Variants in PTPRM observed in about 807,000 individuals in gnomAD.
PTPRM encodes the protein receptor-type tyrosine-protein phosphatase mu.
In PTPRM, 47 loss-of-function variants were observed where a neutral mutation model predicts 186.7. The ratio of observed to expected loss-of-function variants is 0.25; its 90% CI spans 0.20 to 0.32. The LOEUF (loss-of-function observed/expected upper bound fraction) is 0.32. Ranked by LOEUF, PTPRM falls within the 10% of genes least tolerant of loss-of-function variation. The pLI is 1.00. For synonymous variants in PTPRM, 668 were observed against 674.9 expected, an observed-to-expected ratio of 0.99 and a Z score of 0.16; for missense variants, 1,494 against 1,865.0, an observed-to-expected ratio of 0.80 and a Z score of 3.66.
intron 7 of PTPRM, among the ~76,000 whole-genome samples, chr18:7,980,388 T>A (rs76300508): frequency 0.052 from 7,898 of 151,808 alleles, 479 homozygotes; most frequent in African/African-American, 0.15. Flanking sequence ...TCTTTTTTTT[T>A]ATTTTTAGTA....
intron 1 of PTPRM, among the ~76,000 whole-genome samples, chr18:7,746,834 T>C (rs1598485595): frequency 1.3e-5 from 2 of 152,136 alleles, no homozygotes; most frequent in African/African-American, 2.4e-5. Flanking sequence ...AGCCACGTGG[T>C]GGCTGGATGG....
intron 19 of PTPRM, among the ~76,000 whole-genome samples, chr18:8,279,940 A>G (rs2094882434): frequency 2.0e-5 from 3 of 152,192 alleles, no homozygotes; most frequent in Admixed American, 2.0e-4. Flanking sequence ...CACAACAGAC[A>G]CTTGGAAAGA....
chr18:8,387,307 G>C (rs1284568172), intron 31 of PTPRM, 72 bp downstream of exon 31: 1 of 1,442,074 alleles, frequency 6.9e-7, no homozygotes. Flanking sequence ...CTAGTTCTCT[G>C]ACTTTTGTTT....
intron 2 of PTPRM, among the ~76,000 whole-genome samples, chr18:7,877,066 TATTA>T (rs2048280832): frequency 6.6e-6 from 1 of 152,208 alleles, no homozygotes; most frequent in South Asian, 2.1e-4. Flanking sequence ...TCAATTCCCA[TATTA>T]ATTGTTAATA....
chr18:8,101,004 G>A (rs80185716), intron 11 of PTPRM, among the ~76,000 whole-genome samples: 25,861 of 152,110 alleles, frequency 0.17, 2,281 homozygotes, highest in Non-Finnish European at 0.19. Flanking sequence ...TGTGTGTTTG[G>A]TATTAATATT....
chr18:7,904,836 C>T (rs140617346), intron 3 of PTPRM, among the ~76,000 whole-genome samples: 22 of 152,222 alleles, frequency 1.4e-4, no homozygotes, highest in African/African-American at 4.6e-4. Context: ...CATGGTTCCC[C>T]GGTGAGATAG....
At chr18:8,066,482 A>G (rs1315353174) in intron 7 of PTPRM, among the ~76,000 whole-genome samples, 1 of 152,118 alleles carries the variant, frequency 6.6e-6, no homozygotes, top group Non-Finnish European at 1.5e-5. Flanking sequence ...CTTTTGACAA[A>G]TGAGAATCAG....
intron 11 of PTPRM, among the ~76,000 whole-genome samples, chr18:8,091,729 A>G (rs1271651717): frequency 6.6e-6 from 1 of 152,108 alleles, no homozygotes; most frequent in African/African-American, 2.4e-5. Context: ...AAAAATGTGT[A>G]TAGTACCCTC....
chr18:7,605,425 C>CA (rs1378690464), intron 1 of PTPRM, among the ~76,000 whole-genome samples: 1 of 151,572 alleles, frequency 6.6e-6, no homozygotes, highest in East Asian at 1.9e-4. Flanking sequence ...AATGTCCCCC[C>CA]CCCACTTCCG....
intron 4 of PTPRM, among the ~76,000 whole-genome samples, chr18:7,918,082 G>A (rs7242941): frequency 2.0e-4 from 19 of 96,338 alleles, no homozygotes; most frequent in Middle Eastern, 4.4e-3. Context: ...GTGTGTTTGT[G>A]TGTGTGTGTG....
intron 2 of PTPRM, among the ~76,000 whole-genome samples, chr18:7,805,326 T>G (rs2044180213): frequency 6.6e-6 from 1 of 152,196 alleles, no homozygotes; most frequent in South Asian, 2.1e-4. Context: ...CCACAGCTCA[T>G]CATTTCTTCT....
chr18:7,920,289 G>A (rs947770389), intron 4 of PTPRM, among the ~76,000 whole-genome samples: 22 of 151,964 alleles, frequency 1.4e-4, no homozygotes, highest in African/African-American at 5.1e-4. Context: ...CTACTTTGTA[G>A]TTAAATGATT....
chr18:7,834,073 T>C (rs1262020301), intron 2 of PTPRM, among the ~76,000 whole-genome samples: 1 of 152,168 alleles, frequency 6.6e-6, no homozygotes, highest in Non-Finnish European at 1.5e-5. Context: ...GGGTCTGTTA[T>C]ATATTGCTTT....
At chr18:8,404,122 G>A (rs564462906) in intron 32 of PTPRM, 1 of 152,340 alleles carries the variant, frequency 6.6e-6, no homozygotes, top group African/African-American at 2.4e-5. Context: ...CTTTTGAGGA[G>A]CTGCCAGACG....
rs527376918 is a variant in PTPRM, at chr18:8,118,629, G to A, written c.2167+3802G>A. Among the ~76,000 whole-genome samples, 709 of 151,966 alleles carry A rather than the reference G, an allele frequency of 4.7e-3. 3 individuals are homozygous for A. Among genetic ancestry groups the A allele is most frequent in the South Asian group, 8.5e-3 (41 of 4,814 alleles). ...AGCCTGGCCAACATGGCGAAACCCC[G>A]TCTCTACTAAAAATACAAAAATTAG... On this transcript the variant is annotated intron_variant, in intron 13 of 32. Coordinates refer to ENST00000580170, the MANE Select transcript of PTPRM (RefSeq NM_001105244.2).
intron 19 of PTPRM, among the ~76,000 whole-genome samples, chr18:8,271,965 A>G (rs2094777299): frequency 6.6e-6 from 1 of 151,996 alleles, no homozygotes. Flanking sequence ...TAATCCCAGC[A>G]CTCTGGGAGG....
intron 1 of PTPRM, among the ~76,000 whole-genome samples, chr18:7,679,054 A>T (rs2039417631): frequency 6.6e-6 from 1 of 152,268 alleles, no homozygotes; most frequent in South Asian, 2.1e-4. Context: ...GGATGCTCAG[A>T]TCTTTTAATG....
At chr18:7,906,415 T>C (rs1016081493) in intron 3 of PTPRM, 90 bp from the exon 4 acceptor site, 16 of 971,150 alleles carry the variant, frequency 1.6e-5, no homozygotes, top group African/African-American at 1.1e-4. Context: ...GGTGAAAGAA[T>C]AAACGAAATT....
chr18:7,731,457 G>A (rs1365907383), intron 1 of PTPRM, among the ~76,000 whole-genome samples: 1 of 152,062 alleles, frequency 6.6e-6, no homozygotes. Flanking sequence ...ATCGTTTTAG[G>A]GCCATAGAAT....
Sources: gnomAD v4.1 joint callset for allele counts (sites outside exome capture counted in the v4.1 genomes callset) on GRCh38, gnomAD v4.1.1 for gene constraint, MANE v1.5 for transcripts, NCBI Gene and HGNC (gene_info 2026-07-23, HGNC 2026-07-21) for gene names.